The following RBMS3 variants were observed in gnomAD, a reference collection of about 807,000 sequenced individuals.
RBMS3 encodes the protein RNA binding motif single stranded interacting protein 3.
A neutral mutation model predicts 66.8 loss-of-function variants in RBMS3; 27 were observed. The observed-to-expected ratio is 0.40, with a 90% CI of 0.30 to 0.56. The LOEUF (loss-of-function observed/expected upper bound fraction) is 0.56, where lower values mean the gene tolerates loss of function less well. Among genes scored for constraint, RBMS3 ranks in the 20% least tolerant of loss-of-function variants. The pLI is 0.40. For synonymous variants in RBMS3, 188 were observed against 183.0 expected (o/e 1.03, Z -0.22); for missense variants, 513 against 549.5 (o/e 0.93, Z 0.66).
chr3:29,683,705 A>G (rs1051626726), intron 4 of RBMS3, among the ~76,000 whole-genome samples: 8 of 152,278 alleles, frequency 5.3e-5, no homozygotes, highest in Admixed American at 3.3e-4. Flanking sequence ...CTGGGAGTGC[A>G]TTTTCGGAAC....
chr3:29,405,198 A>G (rs1007004733), intron 1 of RBMS3, among the ~76,000 whole-genome samples: 1 of 152,152 alleles, frequency 6.6e-6, no homozygotes, highest in Admixed American at 6.6e-5. Context: ...TGAATAAGTT[A>G]TCTGGAAACT....
chr3:29,650,562 G>A (rs1216647706), intron 4 of RBMS3, among the ~76,000 whole-genome samples: 1 of 152,178 alleles, frequency 6.6e-6, no homozygotes, highest in East Asian at 1.9e-4. Flanking sequence ...CAAAGTGCTA[G>A]GATTATAGGC....
At chr3:29,421,643 A>C (rs190501296) in intron 1 of RBMS3, among the ~76,000 whole-genome samples, 16 of 152,300 alleles carry the variant, frequency 1.1e-4, no homozygotes, top group African/African-American at 3.8e-4. Context: ...CCTTATAAAA[A>C]TTTATATTTG....
chr3:29,583,307 C>T (rs1221564986), intron 3 of RBMS3, among the ~76,000 whole-genome samples: 2 of 152,038 alleles, frequency 1.3e-5, no homozygotes, highest in Non-Finnish European at 2.9e-5. Context: ...GCACGCTAGA[C>T]TAAAGGGTGG....
intron 4 of RBMS3, among the ~76,000 whole-genome samples, chr3:29,648,179 T>C: frequency 6.6e-6 from 1 of 151,792 alleles, no homozygotes; most frequent in Admixed American, 6.6e-5. Flanking sequence ...TCCTAGAGAC[T>C]CTTTTTATTA....
chr3:29,386,269 A>G (rs1199694367), intron 1 of RBMS3, among the ~76,000 whole-genome samples: 4 of 152,192 alleles, frequency 2.6e-5, no homozygotes, highest in African/African-American at 4.8e-5. Flanking sequence ...GCAACCTATT[A>G]TATTTTTCTA....
chr3:29,836,536 G>A (rs1017817570), intron 6 of RBMS3, among the ~76,000 whole-genome samples: 27 of 152,028 alleles, frequency 1.8e-4, no homozygotes, highest in African/African-American at 6.3e-4. Flanking sequence ...CAGAAGGATC[G>A]TTACCAGGGG....
intron 3 of RBMS3, among the ~76,000 whole-genome samples, chr3:29,570,085 A>G (rs901310680): frequency 6.6e-6 from 1 of 152,150 alleles, no homozygotes; most frequent in African/African-American, 2.4e-5. Flanking sequence ...GGATGGTGGC[A>G]TCATAGCTAA....
At chr3:29,393,193 A>T (rs1181437478) in intron 1 of RBMS3, among the ~76,000 whole-genome samples, 8 of 152,214 alleles carry the variant, frequency 5.3e-5, no homozygotes, top group African/African-American at 1.9e-4. Flanking sequence ...CATCTCTATT[A>T]TAAGGTCCAT....
Position 29,587,698 on chromosome 3 carries a change from G to A in RBMS3, c.399+493G>A, listed in dbSNP as rs2047583282. On this transcript the variant is annotated intron_variant, in intron 4 of 14. Coordinates refer to ENST00000383767, the MANE Select transcript of RBMS3 (RefSeq NM_001003793.3). ...TGGGGAGAGCTGATTGTTGAATGAT[G>A]GGGTTGTCTGATCTGTGCAGGGAAA... 3.9e-5 allele frequency among the ~76,000 whole-genome samples: 6 copies of A among 151,988 alleles called. No homozygotes were observed. In the South Asian group the frequency reaches 1.2e-3, roughly 32 times the overall value.
chr3:30,000,406 T>TA (rs1225862772), intron 14 of RBMS3, among the ~76,000 whole-genome samples: 1 of 152,140 alleles, frequency 6.6e-6, no homozygotes, highest in Admixed American at 6.5e-5. Context: ...CTGGAGAGGA[T>TA]ATGGAGAAAT....
At chr3:29,294,380 A>G (rs1244156431) in intron 1 of RBMS3, among the ~76,000 whole-genome samples, 3 of 151,696 alleles carry the variant, frequency 2.0e-5, no homozygotes, top group African/African-American at 4.8e-5. Flanking sequence ...GTTGGGTTAC[A>G]TTCCTAACTA....
chr3:29,930,339 C>T (rs1334608574), intron 10 of RBMS3, among the ~76,000 whole-genome samples: 1 of 151,682 alleles, frequency 6.6e-6, no homozygotes, highest in Non-Finnish European at 1.5e-5. Flanking sequence ...GTCTCGATCT[C>T]CTGACCTCGT....
intron 1 of RBMS3, among the ~76,000 whole-genome samples, chr3:29,299,611 G>A (rs1237728079): frequency 6.6e-6 from 1 of 151,702 alleles, no homozygotes; most frequent in Non-Finnish European, 1.5e-5. Context: ...CAAAGCAATA[G>A]TAAAAATAAT....
At position 29,531,334 on chromosome 3, in the gene RBMS3, G is replaced by A. The variant is rs377698774; in HGVS notation, c.307+42835G>A. Among the ~76,000 whole-genome samples the A allele has an allele frequency of 6.8e-4, 104 of 152,310 alleles. 1 individual carries two copies. In the Middle Eastern group the frequency reaches 0.014, roughly 20 times the overall value. ...TGTACAATAAAATTTGAGAAGGACCGTTGTAGTCAAATGCTGTGTAAGTCA... is the reference window on the plus strand; with the variant it reads ...TGTACAATAAAATTTGAGAAGGACCATTGTAGTCAAATGCTGTGTAAGTCA... On this transcript the variant is annotated intron_variant, in intron 3 of 14. Transcript: ENST00000383767.
At chr3:29,585,447 CT>C (rs1185154404) in intron 3 of RBMS3, among the ~76,000 whole-genome samples, 1 of 152,116 alleles carries the variant, frequency 6.6e-6, no homozygotes, top group Non-Finnish European at 1.5e-5. Context: ...CACATGCAGA[CT>C]TTACTTCAAA....
At chr3:29,955,758 G>A (rs564855689) in intron 12 of RBMS3, among the ~76,000 whole-genome samples, 2 of 152,136 alleles carry the variant, frequency 1.3e-5, no homozygotes, top group African/African-American at 4.8e-5. Context: ...TCCATATTGG[G>A]AATCATTCTT....
rs149022808 is a variant in RBMS3, at chr3:29,535,710, CTTTTTTTTTTTTTTTTTTTT to C, written c.307+47223_307+47242del. ...GAGTTCAATGATTGAGATCATTGCT[CTTTTTTTTTTTTTTTTTTTT>C]TTTTTTTTTTTGCTGGTAAATAGCA... On this transcript the variant is annotated intron_variant, in intron 3 of 14. Coordinates refer to ENST00000383767, the MANE Select transcript of RBMS3 (RefSeq NM_001003793.3). 1.5e-3 allele frequency among the ~76,000 whole-genome samples: 60 copies of C among 39,754 alleles called. 1 individual carries two copies. The highest frequency in any genetic ancestry group is 5.7e-3 in the African/African-American group (56 of 9,870). 26.1% of individuals were successfully genotyped at this position (39,754 alleles called of 152,430 possible). A position where few individuals can be genotyped will look rare whatever the true frequency, so the allele number is the denominator to read the frequency against.
chr3:29,794,559 A>C (rs771735872), intron 6 of RBMS3, among the ~76,000 whole-genome samples: 15 of 152,156 alleles, frequency 9.9e-5, no homozygotes, highest in Non-Finnish European at 1.6e-4. Context: ...GCACTCCAGC[A>C]TGGGCGACAG....
Sources: gnomAD v4.1 joint callset for allele counts (sites outside exome capture counted in the v4.1 genomes callset) on GRCh38, gnomAD v4.1.1 for gene constraint, MANE v1.5 for transcripts, NCBI Gene and HGNC (gene_info 2026-07-23, HGNC 2026-07-21) for gene names.